Variants in KAZN observed in about 807,000 individuals in gnomAD.
KAZN encodes kazrin.
KAZN carries 40 observed loss-of-function variants against 87.4 expected under a neutral mutation model. The ratio of observed to expected loss-of-function variants is 0.46; its 90% CI spans 0.36 to 0.60. The LOEUF (loss-of-function observed/expected upper bound fraction) is 0.60, where lower values mean the gene tolerates loss of function less well. Among genes scored for constraint, KAZN ranks in the 20% least tolerant of loss-of-function variants. KAZN has a pLI of 0.00. For synonymous variants in KAZN, 466 were observed against 458.3 expected (o/e 1.02, Z -0.22); for missense variants, 898 against 1,073.9 (o/e 0.84, Z 2.29).
At chr1:14,032,266 C>A in intron 1 of KAZN, among the ~76,000 whole-genome samples, 1 of 152,192 alleles carries the variant, frequency 6.6e-6, no homozygotes, top group East Asian at 1.9e-4. Context: ...CATTAACAAA[C>A]TTAACTTTGA....
intron 1 of KAZN, among the ~76,000 whole-genome samples, chr1:14,892,816 A>G (rs528895163): frequency 7.2e-5 from 11 of 152,242 alleles, no homozygotes; most frequent in Middle Eastern, 3.4e-3. Context: ...CAGCCCACTC[A>G]TCTTGTATCT....
At chr1:14,627,674 CAGCCG>C (rs1281112145) in intron 1 of KAZN, among the ~76,000 whole-genome samples, 4 of 152,188 alleles carry the variant, frequency 2.6e-5, no homozygotes, top group African/African-American at 9.7e-5. Flanking sequence ...CAATGACTCC[CAGCCG>C]AGCTAGTTTC....
intron 1 of KAZN, among the ~76,000 whole-genome samples, chr1:14,620,571 A>G (rs1678614806): frequency 6.6e-6 from 1 of 152,166 alleles, no homozygotes; most frequent in African/African-American, 2.4e-5. Flanking sequence ...GAGATTTGTG[A>G]CAGGGTAACC....
intron 1 of KAZN, among the ~76,000 whole-genome samples, chr1:13,901,578 G>A (rs1038628621): frequency 1.3e-5 from 2 of 152,150 alleles, no homozygotes; most frequent in African/African-American, 4.8e-5. Flanking sequence ...CCAATGAAAG[G>A]TTTGAAATTC....
At chr1:14,120,265 G>C (rs1272155737) in intron 1 of KAZN, among the ~76,000 whole-genome samples, 1 of 152,102 alleles carries the variant, frequency 6.6e-6, no homozygotes, top group African/African-American at 2.4e-5. Flanking sequence ...GGGCAGAGAA[G>C]GAGCAAGAGG....
intron 1 of KAZN, among the ~76,000 whole-genome samples, chr1:14,624,562 G>C (rs1678969337): frequency 6.6e-6 from 1 of 152,024 alleles, no homozygotes. Context: ...ATGTTCACTT[G>C]ACAAATTGAC....
chr1:14,783,450 T>A (rs924719693), intron 1 of KAZN, among the ~76,000 whole-genome samples: 6 of 152,014 alleles, frequency 3.9e-5, no homozygotes, highest in African/African-American at 1.4e-4. Context: ...AGGACTTCTC[T>A]TCTGCAAAAC....
intron 2 of KAZN, among the ~76,000 whole-genome samples, chr1:14,365,967 G>A (rs989992516): frequency 6.6e-6 from 1 of 152,158 alleles, no homozygotes; most frequent in Non-Finnish European, 1.5e-5. Context: ...CCTACCTGGA[G>A]GCCACAGTTA....
intron 2 of KAZN, among the ~76,000 whole-genome samples, chr1:14,546,244 C>T (rs1294673293): frequency 6.6e-6 from 1 of 152,126 alleles, no homozygotes; most frequent in African/African-American, 2.4e-5. Context: ...TGTCAATAGC[C>T]AATCATTTCT....
intron 1 of KAZN, among the ~76,000 whole-genome samples, chr1:14,795,683 A>C (rs548482119): frequency 3.3e-4 from 50 of 151,964 alleles, no homozygotes; most frequent in Non-Finnish European, 5.7e-4. Flanking sequence ...CTCCATTCTC[A>C]TCTGTCCCTG....
At chr1:14,513,330 C>T (rs1313720068) in intron 2 of KAZN, among the ~76,000 whole-genome samples, 1 of 152,164 alleles carries the variant, frequency 6.6e-6, no homozygotes, top group East Asian at 1.9e-4. Flanking sequence ...AGAGAAATTG[C>T]TCAAGTTACC....
intron 2 of KAZN, among the ~76,000 whole-genome samples, chr1:14,501,638 TAAGG>T (rs1670260668): frequency 2.0e-5 from 3 of 152,168 alleles, no homozygotes; most frequent in Admixed American, 2.0e-4. Flanking sequence ...TGATGGAAAT[TAAGG>T]AAGACTGAAA....
At chr1:14,237,048 C>G (rs1648492491) in intron 2 of KAZN, among the ~76,000 whole-genome samples, 1 of 152,034 alleles carries the variant, frequency 6.6e-6, no homozygotes, top group African/African-American at 2.4e-5. Context: ...TTCTATATAC[C>G]AAAAGATGAT....
At chr1:14,677,767 G>C (rs1391373229) in intron 1 of KAZN, among the ~76,000 whole-genome samples, 1 of 152,182 alleles carries the variant, frequency 6.6e-6, no homozygotes, top group Non-Finnish European at 1.5e-5. Flanking sequence ...GCTAAGTCCA[G>C]AATAGCCAGG....
intron 1 of KAZN, among the ~76,000 whole-genome samples, chr1:14,088,498 A>G (rs1643902660): frequency 6.6e-6 from 1 of 151,918 alleles, no homozygotes; most frequent in Non-Finnish European, 1.5e-5. Flanking sequence ...TTGTGGTCAG[A>G]GATTTATATG....
intron 1 of KAZN, among the ~76,000 whole-genome samples, chr1:13,898,912 T>G (rs1302716682): frequency 6.6e-6 from 1 of 152,194 alleles, no homozygotes; most frequent in Non-Finnish European, 1.5e-5. Context: ...AATTTATAAC[T>G]AAGAGGGCAA....
chr1:14,573,793 AC>A lies in KAZN; in HGVS notation c.250-25189del, dbSNP rs540260859. On this transcript the variant is annotated intron_variant, in intron 2 of 16. Transcript: ENST00000636203. ...TTTTTTTACTCAAGCTGTCCAGTGTACTTTACCCCTAAGATTGTCACTTTTG... is the reference window on the plus strand; with the variant it reads ...TTTTTTTACTCAAGCTGTCCAGTGTATTTACCCCTAAGATTGTCACTTTTG... 1.1e-4 allele frequency among the ~76,000 whole-genome samples: 17 copies of A among 152,320 alleles called. No individual in the cohort carries two copies. The South Asian group carries it at 3.5e-3, about 32-fold the overall frequency.
chr1:14,259,089 A>G (rs1450795742), intron 2 of KAZN, among the ~76,000 whole-genome samples: 1 of 152,032 alleles, frequency 6.6e-6, no homozygotes, highest in East Asian at 1.9e-4. Flanking sequence ...GCACACTTTC[A>G]ACTCGGAGTT....
chr1:14,216,217 C>T (rs1160343815), intron 2 of KAZN, among the ~76,000 whole-genome samples: 1 of 152,170 alleles, frequency 6.6e-6, no homozygotes, highest in Non-Finnish European at 1.5e-5. Context: ...AAGCAGTTGA[C>T]ATGCCTCAGG....
Sources: allele counts gnomAD v4.1 joint callset (sites outside exome capture counted in the v4.1 genomes callset), GRCh38; gene constraint gnomAD v4.1.1; transcripts MANE v1.5; gene names NCBI Gene and HGNC (gene_info 2026-07-23, HGNC 2026-07-21).